Variants in POLI observed in about 807,000 individuals in gnomAD.
POLI encodes RAD30 homolog B.
Under a neutral mutation model 51.6 loss-of-function variants are expected in POLI, and 58 were observed. That is an observed-to-expected ratio of 1.12 (90% CI 0.91 to 1.40). The LOEUF (loss-of-function observed/expected upper bound fraction) is 1.40, where lower values mean the gene tolerates loss of function less well. Among genes scored for constraint, POLI ranks in the 40% most tolerant of loss-of-function variants. The pLI, the probability that POLI is intolerant of heterozygous loss-of-function variation, is 0.00. For synonymous variants in POLI, 322 were observed against 299.7 expected (o/e 1.07, Z -0.77); for missense variants, 921 against 871.3 (o/e 1.06, Z -0.72).
At chr18:54,318,928 A>G (rs2088764664) in intron 3 of POLI, among the ~76,000 whole-genome samples, 1 of 152,204 alleles carries the variant, frequency 6.6e-6, no homozygotes, top group Non-Finnish European at 1.5e-5. Flanking sequence ...ATACCTTTCC[A>G]GATGCCTTTG....
At chr18:54,305,696 C>A (rs1386209509) in intron 3 of POLI, among the ~76,000 whole-genome samples, 1 of 151,028 alleles carries the variant, frequency 6.6e-6, no homozygotes, top group African/African-American at 2.4e-5. Flanking sequence ...ACAATCATGT[C>A]ATCTGCAAAC....
chr18:54,294,217 C>G lies in POLI; in HGVS notation c.1973C>G (p.Ser658Ter). 1 of 1,613,584 alleles carries G rather than the reference C, an allele frequency of 6.2e-7. No homozygotes were observed. Among genetic ancestry groups the G allele is most frequent in the Non-Finnish European group, 8.5e-7 (1 of 1,179,642 alleles). ...NSNPAVSAFH[S>*]FPNLQSEQLF... ...AACCCTGCTGTGTCTGCTTTTCATT[C>G]ATTTCCAAACTTGCAGAGTGAGCAA... Residue 658 changes from serine to a stop codon, truncating the protein, a stop_gained, in exon 10 of 10, where the codon TCA becomes TGA. Transcript: ENST00000579534. LOFTEE classifies it low-confidence loss of function (END_TRUNC).
intron 3 of POLI, among the ~76,000 whole-genome samples, 181 bp from the exon 4 acceptor site, chr18:54,277,522 T>C (rs986802444): frequency 6.6e-6 from 1 of 152,198 alleles, no homozygotes; most frequent in African/African-American, 2.4e-5. Context: ...ATTGCCTTTA[T>C]ACAAGATGTG....
intron 5 of POLI, among the ~76,000 whole-genome samples, chr18:54,282,625 G>A (rs1264877100): frequency 6.6e-6 from 1 of 152,002 alleles, no homozygotes; most frequent in Non-Finnish European, 1.5e-5. Flanking sequence ...TATATGTAAT[G>A]GGAAAAACAG....
intron 3 of POLI, among the ~76,000 whole-genome samples, chr18:54,306,252 A>G (rs1280216408): frequency 2.6e-5 from 4 of 152,166 alleles, no homozygotes; most frequent in African/African-American, 9.7e-5. Flanking sequence ...ACGTGCCATC[A>G]ATATCTAGTT....
Position 54,282,974 on chromosome 18 carries a change from GGA to G in POLI, c.938_939del (p.Glu313GlyfsTer2), listed in dbSNP as rs746125798. 6.2e-7 allele frequency: 1 copy of G among 1,611,154 alleles called. No homozygotes were observed. Among genetic ancestry groups the G allele is most frequent in the South Asian group, 1.1e-5 (1 of 90,600 alleles). On this transcript the variant is annotated frameshift_variant, in exon 6 of 10. Coordinates refer to ENST00000579534, the MANE Select transcript of POLI (RefSeq NM_007195.3). LOFTEE classifies it high-confidence loss of function. ...VAQRIQKLSFGEDNSPVILSG... is the reference protein window; with the variant it reads ...VAQRIQKLSFXEDNSPVILSG... The stretch of plus-strand genomic sequence containing the variant: ...TCAGCGTATCCAAAAGCTCAGTTTT[GGA>G]GAGGATAACTCCCCTGTGATACTCT...
intron 4 of POLI, among the ~76,000 whole-genome samples, chr18:54,278,414 C>T (rs2087348441): frequency 6.6e-6 from 1 of 152,178 alleles, no homozygotes; most frequent in Admixed American, 6.5e-5. Context: ...GCAGAGTTTT[C>T]AGGTAGGCTA....
At chr18:54,279,458 G>A (rs1410884336) in intron 4 of POLI, among the ~76,000 whole-genome samples, 2 of 151,980 alleles carry the variant, frequency 1.3e-5, no homozygotes, top group East Asian at 3.8e-4. Context: ...GGCCAGGCTG[G>A]TCTTGAACTC....
chr18:54,271,885 T>G (rs565857382), intron 2 of POLI, among the ~76,000 whole-genome samples: 3 of 152,342 alleles, frequency 2.0e-5, no homozygotes, highest in Admixed American at 2.0e-4. Context: ...TCTTAAATTG[T>G]GTAACATCTA....
chr18:54,311,930 C>T (rs1199955615), intron 3 of POLI, among the ~76,000 whole-genome samples: 1 of 152,178 alleles, frequency 6.6e-6, no homozygotes, highest in Non-Finnish European at 1.5e-5. Context: ...TTATTATTAA[C>T]ATCTGAATAT....
At chr18:54,311,161 A>C in intron 3 of POLI, 10 of 945,282 alleles carry the variant, frequency 1.1e-5, no homozygotes, top group Non-Finnish European at 1.3e-5. Context: ...GGAAAGCTGG[A>C]GAAGTTACTG....
At chr18:54,290,798 G>A (rs995226794) in intron 8 of POLI, among the ~76,000 whole-genome samples, 20 of 152,088 alleles carry the variant, frequency 1.3e-4, no homozygotes, top group African/African-American at 4.6e-4. Flanking sequence ...ATGGACACAG[G>A]GAGGAGAACA....
chr18:54,275,748 A>G (rs1234756327), intron 3 of POLI, among the ~76,000 whole-genome samples: 2 of 152,052 alleles, frequency 1.3e-5, no homozygotes, highest in Non-Finnish European at 2.9e-5. Flanking sequence ...ATTCACTTGC[A>G]CCTGTTTTTA....
Position 54,271,469 on chromosome 18 carries a change from A to G in POLI, c.225A>G (p.Leu75=). Reference sequence around the variant, plus strand: ...TAGAAATGATCTCAAATCCAGAGCTAAAAGACAAACCTTTAGGTAACTGTA... The same window carrying G: ...TAGAAATGATCTCAAATCCAGAGCTGAAAGACAAACCTTTAGGTAACTGTA... The part of the protein sequence containing the change: ...AQVEMISNPE[L]KDKPLGVQQK... Residue 75 remains leucine, a synonymous_variant, in exon 2 of 10, where the codon CTA becomes CTG. Coordinates refer to ENST00000579534, the MANE Select transcript of POLI (RefSeq NM_007195.3). 1 of 1,602,544 alleles carries G rather than the reference A, an allele frequency of 6.2e-7. No homozygotes were observed. Among genetic ancestry groups the G allele is most frequent in the Non-Finnish European group, 8.5e-7 (1 of 1,171,720 alleles).
chr18:54,309,503 C>T (rs1264176250), intron 3 of POLI, among the ~76,000 whole-genome samples: 2 of 152,156 alleles, frequency 1.3e-5, no homozygotes, highest in Non-Finnish European at 2.9e-5. Flanking sequence ...TGTCAGTTGG[C>T]CCCTACTGGG....
At position 54,269,688 on chromosome 18, in the gene POLI, G is replaced by T. The variant is rs1599142913; in HGVS notation, c.115+27G>T. 4.0e-6 allele frequency: 6 copies of T among 1,488,936 alleles called. No individual in the cohort carries two copies. The East Asian group carries it at 8.4e-5, about 21-fold the overall frequency. 92.2% of individuals were successfully genotyped at this position (1,488,936 alleles called of 1,614,324 possible). On this transcript the variant is annotated intron_variant, in intron 1 of 9. Transcript: ENST00000579534. ...TGCGCCGCAGCCAGAGGAGCCAGCG[G>T]CCTCCTTGGGTGTAAATGAGAAGGG...
chr18:54,312,689 G>C (rs1004523819), intron 3 of POLI, among the ~76,000 whole-genome samples: 1 of 152,052 alleles, frequency 6.6e-6, no homozygotes, highest in Non-Finnish European at 1.5e-5. Context: ...ATTTTGGATT[G>C]CATTTCTCTG....
intron 3 of POLI, chr18:54,310,996 G>A (rs2088662370): frequency 2.2e-6 from 1 of 461,556 alleles, no homozygotes; most frequent in Non-Finnish European, 2.8e-6. Context: ...GGCCTCAAGT[G>A]ATCCTCCTGC....
At chr18:54,271,953 G>A (rs150388394) in intron 2 of POLI, among the ~76,000 whole-genome samples, 114 of 152,226 alleles carry the variant, frequency 7.5e-4, no homozygotes, top group Admixed American at 4.8e-3. Flanking sequence ...CAAACTTGCC[G>A]TAAAAACATA....
Sources: allele counts gnomAD v4.1 joint callset (sites outside exome capture counted in the v4.1 genomes callset), GRCh38; gene constraint gnomAD v4.1.1; transcripts MANE v1.5; gene names NCBI Gene and HGNC (gene_info 2026-07-23, HGNC 2026-07-21).